Variants in NGEF observed in about 807,000 individuals in gnomAD.
NGEF encodes neuronal guanine nucleotide exchange factor.
A neutral mutation model predicts 80.9 loss-of-function variants in NGEF; 31 were observed. The ratio of observed to expected loss-of-function variants is 0.38; its 90% confidence interval spans 0.29 to 0.52. The LOEUF (loss-of-function observed/expected upper bound fraction) is 0.52. Ranked by LOEUF, NGEF falls within the 20% of genes least tolerant of loss-of-function variation. The pLI is 0.84. For missense variants in NGEF, 709 were observed against 926.2 expected, an observed-to-expected ratio of 0.77 and a Z score of 3.04; for synonymous variants, 371 against 370.2, an observed-to-expected ratio of 1.00 and a Z score of -0.03.
intron 3 of NGEF, among the ~76,000 whole-genome samples, chr2:232,938,298 C>T (rs1693367669): frequency 6.6e-6 from 1 of 152,164 alleles, no homozygotes; most frequent in Non-Finnish European, 1.5e-5. Flanking sequence ...CCTTAAAAGG[C>T]TTGGACAAAT....
In NGEF at chr2:232,879,272, T is replaced by G. The variant is rs1691403477; in HGVS notation, c.*217A>C. ...CTGCTGAAACCTTCTTGTTTACAAA[T>G]GCATCAGGAGAGGCTTGGGCACCCT... On this transcript the variant is annotated 3_prime_UTR_variant, in exon 15 of 15. Coordinates refer to ENST00000264051, the MANE Select transcript of NGEF (RefSeq NM_019850.3). The G allele has an allele frequency of 1.9e-6, 1 of 526,038 alleles. No homozygotes were observed. Among genetic ancestry groups the G allele is most frequent in the Admixed American group, 3.2e-5 (1 of 31,508 alleles). The allele number at this position is 526,038 out of a possible 1,614,324, so 32.6% of individuals were successfully genotyped here. A position where few individuals can be genotyped will look rare whatever the true frequency, so the allele number is the denominator to read the frequency against.
At chr2:232,920,829 C>T (rs184116678) in intron 4 of NGEF, among the ~76,000 whole-genome samples, 220 of 152,184 alleles carry the variant, frequency 1.4e-3, no homozygotes, top group Non-Finnish European at 2.4e-3. Flanking sequence ...AAGAAATGCC[C>T]GAATGGACTC....
intron 3 of NGEF, among the ~76,000 whole-genome samples, chr2:232,936,520 G>T (rs1333791524): frequency 6.6e-6 from 1 of 152,186 alleles, no homozygotes; most frequent in Non-Finnish European, 1.5e-5. Context: ...TTTGCCTCCA[G>T]AAGGGCTGGA....
At chr2:232,953,729 G>A (rs1371365061) in intron 3 of NGEF, among the ~76,000 whole-genome samples, 1 of 152,052 alleles carries the variant, frequency 6.6e-6, no homozygotes, top group Non-Finnish European at 1.5e-5. Context: ...GGGCCCGGGA[G>A]CGTTTTCCAG....
chr2:232,906,242 C>T lies in NGEF; in HGVS notation c.829-11326G>A, dbSNP rs1194210283. Among the ~76,000 whole-genome samples the T allele has an allele frequency of 3.5e-4, 35 of 100,176 alleles. 1 individual carries two copies. Among genetic ancestry groups the T allele is most frequent in the African/African-American group, 8.3e-4 (20 of 24,040 alleles). 65.7% of individuals were successfully genotyped at this position (100,176 alleles called of 152,430 possible). On this transcript the variant is annotated intron_variant, in intron 5 of 14. Transcript: ENST00000264051. Reference sequence around the variant, plus strand: ...GGGGGGGGGTCAGCCCCCCGCCCGGCCAGCCGCCCCATCCGGGAGGTGAGG... The same window carrying T: ...GGGGGGGGGTCAGCCCCCCGCCCGGTCAGCCGCCCCATCCGGGAGGTGAGG...
Position 232,920,172 on chromosome 2 carries a change from T to A in NGEF, c.828+112A>T, listed in dbSNP as rs1692906491. On this transcript the variant is annotated intron_variant, in intron 5 of 14. Coordinates refer to ENST00000264051, the MANE Select transcript of NGEF (RefSeq NM_019850.3). ...CTAGATGGACAACCCTGCCAGCGAT[T>A]CCTCTGGTGAACCAGCCAGGGAACC... 12 of 1,016,762 alleles carry A rather than the reference T, an allele frequency of 1.2e-5. No individual in the cohort carries two copies. The South Asian group carries it at 1.7e-4, about 15-fold the overall frequency. 63.0% of individuals were successfully genotyped at this position (1,016,762 alleles called of 1,614,324 possible). A position where few individuals can be genotyped will look rare whatever the true frequency, so the allele number is the denominator to read the frequency against.
At chr2:232,921,409 G>A (rs1298945471) in intron 4 of NGEF, among the ~76,000 whole-genome samples, 1 of 152,136 alleles carries the variant, frequency 6.6e-6, no homozygotes, top group Non-Finnish European at 1.5e-5. Flanking sequence ...TAGCCCAAGC[G>A]CAAGGGCTAG....
chr2:232,961,757 A>G (rs975597532), intron 3 of NGEF, among the ~76,000 whole-genome samples: 1 of 152,106 alleles, frequency 6.6e-6, no homozygotes, highest in Non-Finnish European at 1.5e-5. Flanking sequence ...TGGGCTCCCA[A>G]CCAGATTATT....
intron 6 of NGEF, among the ~76,000 whole-genome samples, chr2:232,893,605 C>T (rs1691955578): frequency 1.3e-5 from 2 of 152,200 alleles, no homozygotes; most frequent in Admixed American, 1.3e-4. Context: ...GAAACCCTGT[C>T]TCTACTAAAA....
intron 1 of NGEF, among the ~76,000 whole-genome samples, chr2:232,996,684 G>A (rs542945895): frequency 2.0e-5 from 3 of 152,070 alleles, no homozygotes; most frequent in East Asian, 1.9e-4. Context: ...TAGTAGAGGC[G>A]GGGTTTCACC....
rs1227295786 is a variant in NGEF, at chr2:232,881,171, G to A, written c.1917C>T (p.Leu639=). ...DELTLELADI[L]NILDKTDDGW... ...CGTCGTCAGTCTTGTCCAGGATGTT[G>A]AGGATGTCGGCGAGCTCCAGCGTCA... The change falls in exon 14 of 15, where the codon CTC becomes CTT. Residue 639 remains leucine, a synonymous_variant. Transcript: ENST00000264051. 2.5e-6 allele frequency: 4 copies of A among 1,612,484 alleles called. No individual in the cohort carries two copies. The highest frequency in any genetic ancestry group is 3.4e-6 in the Non-Finnish European group (4 of 1,179,998).
intron 2 of NGEF, among the ~76,000 whole-genome samples, chr2:232,971,058 C>T (rs546418364): frequency 7.6e-6 from 1 of 131,382 alleles, no homozygotes; most frequent in East Asian, 1.9e-4. Context: ...TAGCCTCCCC[C>T]AGAAAGTCTG....
At chr2:232,902,362 G>C (rs987260457) in intron 5 of NGEF, among the ~76,000 whole-genome samples, 1 of 152,228 alleles carries the variant, frequency 6.6e-6, no homozygotes. Context: ...CTGCAGCGCA[G>C]TCTTTAGTGA....
At chr2:232,961,742 C>T (rs1030720903) in intron 3 of NGEF, among the ~76,000 whole-genome samples, 5 of 152,072 alleles carry the variant, frequency 3.3e-5, no homozygotes, top group East Asian at 1.9e-4. Context: ...GTGATCTGCC[C>T]GCCTTGGGCT....
In NGEF at chr2:232,879,423, C is replaced by CT; in HGVS notation, c.*65_*66insA. 1 of 881,298 alleles carries CT rather than the reference C, an allele frequency of 1.1e-6. No homozygotes were observed. Among genetic ancestry groups the CT allele is most frequent in the South Asian group, 2.2e-5 (1 of 45,524 alleles). The allele number at this position is 881,298 out of a possible 1,614,324, so 54.6% of individuals were successfully genotyped here. On this transcript the variant is annotated 3_prime_UTR_variant, in exon 15 of 15. Coordinates refer to ENST00000264051, the MANE Select transcript of NGEF (RefSeq NM_019850.3). ...GTGCTGGCCTGTGCTTCCCAGAGCC[C>CT]CCCCCCCCCCACCTTCTGTCGGGGT...
intron 1 of NGEF, among the ~76,000 whole-genome samples, chr2:233,000,047 C>T (rs990095516): frequency 6.6e-6 from 1 of 152,180 alleles, no homozygotes. Flanking sequence ...AAGTCCAAGA[C>T]CAGGGGTCCA....
intron 5 of NGEF, among the ~76,000 whole-genome samples, chr2:232,904,527 C>A (rs955534663): frequency 2.0e-5 from 3 of 152,214 alleles, no homozygotes; most frequent in Admixed American, 6.5e-5. Flanking sequence ...CCACACCCAG[C>A]CCCTTCCCAA....
At chr2:232,918,420 CTT>C (rs1294034672) in intron 5 of NGEF, among the ~76,000 whole-genome samples, 1 of 152,026 alleles carries the variant, frequency 6.6e-6, no homozygotes, top group Non-Finnish European at 1.5e-5. Context: ...GAATTTCTGT[CTT>C]TTAATGGAGG....
rs779331699 is a variant in NGEF at position 232,893,029 on chromosome 2, G to T, written c.1011C>A (p.His337Gln). The T allele has an allele frequency of 6.2e-6, 10 of 1,612,858 alleles. No individual in the cohort carries two copies. The highest frequency in any genetic ancestry group is 8.5e-6 in the Non-Finnish European group (10 of 1,179,648). ...AGATGACGATGTTCTCCTCCATCCG[G>T]TGCTCCAGCTCCAGGAGGAACCTAC... ...VSERFLLELE[H>Q]RMEENIVISD... is the part of the protein sequence containing the mutation. Residue 337 changes from histidine to glutamine, a missense_variant, in exon 7 of 15, where the codon CAC becomes CAA. Transcript: ENST00000264051.
Sources: gnomAD v4.1 joint callset for allele counts (sites outside exome capture counted in the v4.1 genomes callset) on GRCh38, gnomAD v4.1.1 for gene constraint, MANE v1.5 for transcripts, NCBI Gene and HGNC (gene_info 2026-07-23, HGNC 2026-07-21) for gene names.